Variants in NPAS2 observed in about 807,000 individuals in gnomAD.
The protein encoded by NPAS2 is neuronal PAS domain-containing protein 2.
NPAS2 carries 23 observed loss-of-function variants against 107.5 expected under a neutral mutation model. That is an observed-to-expected ratio of 0.21 (90% CI 0.15 to 0.30). The LOEUF is 0.30. Among genes scored for constraint, NPAS2 ranks in the 10% least tolerant of loss-of-function variants. NPAS2 has a pLI of 1.00. For missense variants in NPAS2, 756 were observed against 1,043.3 expected (o/e 0.72, Z 3.79); for synonymous variants, 403 against 417.5 (o/e 0.97, Z 0.42).
intron 1 of NPAS2, among the ~76,000 whole-genome samples, chr2:100,891,170 T>C (rs1444049096): frequency 6.7e-6 from 1 of 150,284 alleles, no homozygotes; most frequent in South Asian, 2.1e-4. Flanking sequence ...GGGTGGAGCT[T>C]GCAGTGAGCC....
chr2:100,822,731 C>T lies in NPAS2; in HGVS notation c.-23+2317C>T, dbSNP rs550133344. ...GTGTTTTGTTCTTTACATGAATCGT[C>T]GGTTCTCCCAGTGTGATCACGACAC... On this transcript the variant is annotated intron_variant, in intron 1 of 20. Coordinates refer to ENST00000335681, the MANE Select transcript of NPAS2 (RefSeq NM_002518.4). 5.9e-5 allele frequency: 9 copies of T among 152,284 alleles called. No homozygotes were observed. The South Asian group carries it at 1.2e-3, about 21-fold the overall frequency. 9.4% of individuals were successfully genotyped at this position (152,284 alleles called of 1,614,324 possible). A position where few individuals can be genotyped will look rare whatever the true frequency, so the allele number is the denominator to read the frequency against.
intron 15 of NPAS2, among the ~76,000 whole-genome samples, chr2:100,978,806 G>T (rs953390106): frequency 6.6e-6 from 1 of 152,216 alleles, no homozygotes; most frequent in Admixed American, 6.5e-5. Flanking sequence ...TCCTGGAGGA[G>T]GTGACGCTTG....
At chr2:100,936,718 C>T (rs2104965335) in intron 4 of NPAS2, among the ~76,000 whole-genome samples, 1 of 152,302 alleles carries the variant, frequency 6.6e-6, no homozygotes, top group South Asian at 2.1e-4. Context: ...CAGTGGCTCA[C>T]ACCTGTAATC....
At chr2:100,902,576 T>C (rs1681856474) in intron 1 of NPAS2, among the ~76,000 whole-genome samples, 1 of 152,204 alleles carries the variant, frequency 6.6e-6, no homozygotes. Context: ...TGGGGACTTC[T>C]TGTTGAATGA....
intron 2 of NPAS2, among the ~76,000 whole-genome samples, chr2:100,918,729 T>C (rs371859384): frequency 1.3e-5 from 2 of 152,342 alleles, no homozygotes; most frequent in East Asian, 1.9e-4. Context: ...TTAGCTAAAA[T>C]TTAAAGTACT....
At chr2:100,989,356 C>A (rs921368578) in intron 17 of NPAS2, 1 of 152,212 alleles carries the variant, frequency 6.6e-6, no homozygotes, top group African/African-American at 2.4e-5. Flanking sequence ...CAGATAAACA[C>A]ACATATGGAA....
chr2:100,857,298 CAAA>C (rs11312399), intron 1 of NPAS2, among the ~76,000 whole-genome samples: 11 of 87,880 alleles, frequency 1.3e-4, no homozygotes, highest in South Asian at 3.7e-4. Flanking sequence ...AACTCCTTCT[CAAA>C]AAAAAAAAAA....
intron 1 of NPAS2, chr2:100,821,178 T>C (rs949036944): frequency 7.7e-7 from 1 of 1,304,544 alleles, no homozygotes; most frequent in East Asian, 5.6e-5. Flanking sequence ...CTCCTCTGCT[T>C]GCCACTCCTT....
At chr2:100,846,736 A>C (rs893227922) in intron 1 of NPAS2, 1 of 152,226 alleles carries the variant, frequency 6.6e-6, no homozygotes, top group African/African-American at 2.4e-5. Flanking sequence ...GCCTTTCAAT[A>C]ATACTAAGTA....
rs58770589 is a variant in NPAS2, at chr2:100,937,004, A to G, written c.274-749A>G. The stretch of plus-strand genomic sequence containing the variant: ...CAAAAAAAAAAAAAAAAAAAAAACC[A>G]TGAGCAAAAGTGTCTGCTTTATGAG... On this transcript the variant is annotated intron_variant, in intron 4 of 20. Transcript: ENST00000335681. Among the ~76,000 whole-genome samples, 410 of 146,516 alleles carry G rather than the reference A, an allele frequency of 2.8e-3. 9 individuals are homozygous for G. The East Asian group carries it at 0.077, about 28-fold the overall frequency.
At chr2:100,966,932 A>G (rs1405667757) in intron 10 of NPAS2, among the ~76,000 whole-genome samples, 1 of 152,134 alleles carries the variant, frequency 6.6e-6, no homozygotes, top group East Asian at 1.9e-4. Flanking sequence ...AAGGAAGAAT[A>G]GGCTTGAGTT....
chr2:100,859,475 G>A (rs1678800259), intron 1 of NPAS2, among the ~76,000 whole-genome samples: 1 of 152,214 alleles, frequency 6.6e-6, no homozygotes, highest in Non-Finnish European at 1.5e-5. Flanking sequence ...CTAAATCAGT[G>A]TAGAATATCA....
intron 1 of NPAS2, among the ~76,000 whole-genome samples, chr2:100,834,939 T>C (rs934855019): frequency 1.3e-5 from 2 of 152,210 alleles, no homozygotes; most frequent in African/African-American, 2.4e-5. Flanking sequence ...GGTCTCAAAC[T>C]CCTGACCTCA....
At chr2:100,825,793 T>G (rs1676337407) in intron 1 of NPAS2, among the ~76,000 whole-genome samples, 1 of 152,204 alleles carries the variant, frequency 6.6e-6, no homozygotes, top group Non-Finnish European at 1.5e-5. Flanking sequence ...TTCCTTCCAC[T>G]AGATACTGTG....
rs146742527 is a variant in NPAS2, at chr2:100,895,658, G to C, written c.-22-9075G>C. On this transcript the variant is annotated intron_variant, in intron 1 of 20. Transcript: ENST00000335681. ...GTGCTCCACTGGCCTTGCTTGATTA[G>C]ATTCCCCAGCTGGTCTGTTTACTGG... 1.6e-4 allele frequency among the ~76,000 whole-genome samples: 24 copies of C among 152,178 alleles called. No individual in the cohort carries two copies. The East Asian group carries it at 2.3e-3, about 15-fold the overall frequency.
At chr2:100,849,144 C>G (rs79495223) in intron 1 of NPAS2, among the ~76,000 whole-genome samples, 1,828 of 152,334 alleles carry the variant, frequency 0.012, 44 homozygotes, top group African/African-American at 0.038. Flanking sequence ...TGCCTTTCAT[C>G]TAGACCATTC....
At chr2:100,863,571 C>T (rs1558818980) in intron 1 of NPAS2, among the ~76,000 whole-genome samples, 1 of 152,160 alleles carries the variant, frequency 6.6e-6, no homozygotes, top group African/African-American at 2.4e-5. Flanking sequence ...GGAATTATAT[C>T]TAATGGGTCA....
intron 1 of NPAS2, among the ~76,000 whole-genome samples, chr2:100,899,111 G>A (rs1294206648): frequency 6.6e-6 from 1 of 152,158 alleles, no homozygotes; most frequent in Admixed American, 6.5e-5. Context: ...TGTCTAAGGA[G>A]ATGTGCTGAC....
chr2:100,847,366 A>G (rs1251228565), intron 1 of NPAS2: 1 of 152,192 alleles, frequency 6.6e-6, no homozygotes, highest in African/African-American at 2.4e-5. Context: ...TTACCACAAT[A>G]AAAATGAATT....
Sources: gnomAD v4.1 joint callset for allele counts (sites outside exome capture counted in the v4.1 genomes callset) on GRCh38, gnomAD v4.1.1 for gene constraint, MANE v1.5 for transcripts, NCBI Gene and HGNC (gene_info 2026-07-23, HGNC 2026-07-21) for gene names.